The following IKZF1 variants were observed in gnomAD, a reference collection of about 807,000 sequenced individuals.
IKZF1 encodes the protein IKAROS family zinc finger 1, also known as DNA-binding protein Ikaros.
In IKZF1, 10 loss-of-function variants were observed where a neutral mutation model predicts 51.7. That is an observed-to-expected ratio of 0.19 (90% CI 0.12 to 0.33). The LOEUF (loss-of-function observed/expected upper bound fraction) is 0.33, where lower values mean the gene tolerates loss of function less well. Ranked by LOEUF, IKZF1 falls within the 10% of genes least tolerant of loss-of-function variation. The pLI is 1.00. For missense variants in IKZF1, 484 were observed against 707.5 expected (o/e 0.68, Z 3.58); for synonymous variants, 280 against 282.3 (o/e 0.99, Z 0.08).
chr7:50,326,356 C>A (rs754265340), intron 2 of IKZF1, among the ~76,000 whole-genome samples: 14 of 152,358 alleles, frequency 9.2e-5, no homozygotes, highest in Middle Eastern at 6.8e-3. Flanking sequence ...CTCTCCCAGG[C>A]TGTTGCTGTT....
At chr7:50,357,015 A>ACC in intron 3 of IKZF1, among the ~76,000 whole-genome samples, 1 of 151,280 alleles carries the variant, frequency 6.6e-6, no homozygotes, top group African/African-American at 2.4e-5. Flanking sequence ...GGATGACTGC[A>ACC]CCCCTGACTG....
At chr7:50,395,344 A>C (rs1188227131) in intron 7 of IKZF1, among the ~76,000 whole-genome samples, 1 of 152,216 alleles carries the variant, frequency 6.6e-6, no homozygotes, top group African/African-American at 2.4e-5. Context: ...ACAAAACTAG[A>C]GAAGCGGCTT....
intron 3 of IKZF1, among the ~76,000 whole-genome samples, chr7:50,339,473 C>G (rs1430473387): frequency 6.6e-6 from 1 of 151,912 alleles, no homozygotes; most frequent in Non-Finnish European, 1.5e-5. Context: ...AGGATTTGGC[C>G]AGGCATGGTG....
intron 1 of IKZF1, chr7:50,318,291 C>A: frequency 4.5e-6 from 1 of 224,208 alleles, no homozygotes; most frequent in African/African-American, 2.2e-5. Context: ...CCAGTTGTTT[C>A]TTTCTTTTCT....
chr7:50,378,957 A>ATCT (rs1811061978), intron 4 of IKZF1, among the ~76,000 whole-genome samples: 2 of 152,262 alleles, frequency 1.3e-5, no homozygotes, highest in Non-Finnish European at 2.9e-5. Flanking sequence ...ATGCTAGAAA[A>ATCT]GGTTTTCATT....
chr7:50,391,311 A>T (rs1210375288), intron 6 of IKZF1, among the ~76,000 whole-genome samples: 1 of 152,176 alleles, frequency 6.6e-6, no homozygotes. Context: ...GTGCTGGTCC[A>T]TGAAGTCAGA....
intron 3 of IKZF1, among the ~76,000 whole-genome samples, chr7:50,353,493 A>C (rs1217457006): frequency 1.3e-5 from 2 of 152,254 alleles, no homozygotes; most frequent in East Asian, 3.9e-4. Context: ...TCCTCCCTCT[A>C]TCCTCACCTC....
At chr7:50,311,402 T>C (rs1249671795) in intron 1 of IKZF1, among the ~76,000 whole-genome samples, 1 of 152,256 alleles carries the variant, frequency 6.6e-6, no homozygotes, top group Admixed American at 6.5e-5. Flanking sequence ...TAATGGTAGA[T>C]ACTGTATCTA....
chr7:50,372,223 TG>T (rs1484500985), intron 3 of IKZF1, among the ~76,000 whole-genome samples: 5 of 152,230 alleles, frequency 3.3e-5, no homozygotes, highest in Admixed American at 1.3e-4. Context: ...ATCTTGTCTA[TG>T]TAACCAGCAC....
intron 2 of IKZF1, among the ~76,000 whole-genome samples, chr7:50,320,110 C>G (rs1425695118): frequency 6.6e-6 from 1 of 152,128 alleles, no homozygotes; most frequent in Non-Finnish European, 1.5e-5. Context: ...CTCCCAGGTG[C>G]AAAGAACAAA....
intron 2 of IKZF1, among the ~76,000 whole-genome samples, chr7:50,321,659 A>T (rs557420515): frequency 9.8e-5 from 15 of 152,308 alleles, no homozygotes; most frequent in African/African-American, 3.6e-4. Context: ...CTGATATTCT[A>T]GAGTCAAAGC....
chr7:50,377,105 C>A, intron 4 of IKZF1: 1 of 349,482 alleles, frequency 2.9e-6, no homozygotes, highest in South Asian at 3.9e-5. Flanking sequence ...CAGCTGAGCC[C>A]TCAGGGTACG....
intron 3 of IKZF1, among the ~76,000 whole-genome samples, chr7:50,336,822 G>C (rs1797903602): frequency 1.3e-5 from 2 of 152,174 alleles, no homozygotes; most frequent in Non-Finnish European, 2.9e-5. Flanking sequence ...AGGTAGGGAT[G>C]TAAGTCATAG....
At position 50,319,068 on chromosome 7, in the gene IKZF1, G is replaced by A. The variant is rs1584438980; in HGVS notation, c.7G>A (p.Ala3Thr). Reference protein sequence around the residue: MDADEGQDMSQVS... With the variant: MDTDEGQDMSQVS... ...CTCAGATAACCTGAGGACCATGGAT[G>A]CTGATGAGGGTCAAGACATGTCCCA... The change falls in exon 2 of 8, where the codon GCT becomes ACT. Residue 3 changes from alanine to threonine, a missense_variant. Ala to Thr is a moderately conservative substitution (Grantham distance 58, BLOSUM62 0). Coordinates refer to ENST00000331340, the MANE Select transcript of IKZF1 (RefSeq NM_006060.6). 1.2e-6 allele frequency: 2 copies of A among 1,613,338 alleles called. No homozygotes were observed. The highest frequency in any genetic ancestry group is 1.6e-4 in the Middle Eastern group (1 of 6,062).
upstream of IKZF1, chr7:50,303,983 C>G (rs1429886477): frequency 6.9e-6 from 1 of 144,532 alleles, no homozygotes; most frequent in Non-Finnish European, 1.5e-5. This position sits in a 1 kb window ranked among gnomAD's most constrained non-coding sequence, Gnocchi z 4.7. Flanking sequence ...GGCCGCGGCG[C>G]GATGCTGCGC....
intron 3 of IKZF1, among the ~76,000 whole-genome samples, chr7:50,363,694 A>C (rs1217517801): frequency 3.3e-5 from 5 of 152,196 alleles, no homozygotes; most frequent in Non-Finnish European, 5.9e-5. Context: ...TCCTCACTAG[A>C]GGGTGGTCTA....
At chr7:50,333,430 C>T (rs1584546945) in intron 3 of IKZF1, among the ~76,000 whole-genome samples, 1 of 152,242 alleles carries the variant, frequency 6.6e-6, no homozygotes, top group African/African-American at 2.4e-5. Flanking sequence ...AGAAAGCAGC[C>T]GCTCTGGAGA....
intron 3 of IKZF1, among the ~76,000 whole-genome samples, chr7:50,349,128 T>A (rs764698771): frequency 7.9e-5 from 12 of 152,214 alleles, no homozygotes; most frequent in Non-Finnish European, 1.5e-4. Context: ...CTTTAACTCT[T>A]AGTCATTACC....
chr7:50,382,781 G>A (rs1812220342), intron 5 of IKZF1, 74 bp downstream of exon 5: 4 of 1,496,636 alleles, frequency 2.7e-6, no homozygotes, highest in African/African-American at 2.8e-5. Context: ...CTGGGTCCCG[G>A]ATTGTGTCCT....
Sources: gnomAD v4.1 joint callset for allele counts (sites outside exome capture counted in the v4.1 genomes callset) on GRCh38, gnomAD v4.1.1 for gene constraint, Gnocchi (gnomAD v3.1) non-coding constraint, MANE v1.5 for transcripts, NCBI Gene and HGNC (gene_info 2026-07-23, HGNC 2026-07-21) for gene names.